The following LTBP3 variants were observed in gnomAD, a reference collection of about 807,000 sequenced individuals.
LTBP3 encodes latent-transforming growth factor beta-binding protein 3.
LTBP3 carries 97 observed loss-of-function variants against 159.7 expected under a neutral mutation model. That is an observed-to-expected ratio of 0.61 (90% CI 0.52 to 0.72). LTBP3 has a LOEUF of 0.72. Among genes scored for constraint, LTBP3 ranks in the 30% least tolerant of loss-of-function variants. The probability of loss-of-function intolerance (pLI) is 0.00; values close to 1 mark genes in which losing one functional copy is unlikely to be tolerated. For missense variants in LTBP3, 1,584 were observed against 1,864.3 expected, an observed-to-expected ratio of 0.85 and a Z score of 2.77; for synonymous variants, 824 against 777.1, an observed-to-expected ratio of 1.06 and a Z score of -1.00.
In LTBP3 at chr11:65,557,622, C is replaced by G. The variant is rs1261888536; in HGVS notation, c.331+7G>C. ...CCCCTGCCCCCAGCCGTGCCCCCGG[C>G]CCTCACCCACGCGGAAGCCGGAGCC... On this transcript the variant is annotated splice_region_variant and intron_variant, in intron 1 of 27. Transcript: ENST00000301873. 3 of 1,608,754 alleles carry G rather than the reference C, an allele frequency of 1.9e-6. No individual in the cohort carries two copies. Among genetic ancestry groups the G allele is most frequent in the Non-Finnish European group, 2.5e-6 (3 of 1,179,792 alleles).
Position 65,538,829 on chromosome 11 carries a change from G to C in LTBP3, c.*251C>G, listed in dbSNP as rs764625252. 1.5e-5 allele frequency: 12 copies of C among 815,198 alleles called. No homozygotes were observed. The highest frequency in any genetic ancestry group is 2.1e-5 in the Non-Finnish European group (12 of 560,238). The allele number at this position is 815,198 out of a possible 1,614,324, so 50.5% of individuals were successfully genotyped here. A position where few individuals can be genotyped will look rare whatever the true frequency, so the allele number is the denominator to read the frequency against. ...TCGAAAGCCAAGGGTAAAGAGGCAC[G>C]ATCTGATTTATCAGTTTCTAGGAAA... is the stretch of plus-strand genomic sequence containing the variant. On this transcript the variant is annotated 3_prime_UTR_variant, in exon 28 of 28. Coordinates refer to ENST00000301873, the MANE Select transcript of LTBP3 (RefSeq NM_001130144.3).
Position 65,539,596 on chromosome 11 carries a change from T to G in LTBP3, c.3580A>C (p.Asn1194His), listed in dbSNP as rs913695324. The G allele has an allele frequency of 1.9e-6, 3 of 1,612,734 alleles. No homozygotes were observed. The highest frequency in any genetic ancestry group is 2.5e-6 in the Non-Finnish European group (3 of 1,179,396). ...SHCPTSQSES[N>H]SFWDTSPLLL... is the part of the protein sequence containing the mutation. ...AGGGGGCTTGTGTCCCAGAAGGAAT[T>G]GCTCTCGCTCTGCGATGTCGGGCAA... Residue 1194 changes from asparagine to histidine, a missense_variant, in exon 26 of 28, where the codon AAT (asparagine) becomes CAT (histidine). This residue lies in a region of LTBP3 where 514 missense variants were observed against 530.3 expected (regional missense o/e 0.97). Coordinates refer to ENST00000301873, the MANE Select transcript of LTBP3 (RefSeq NM_001130144.3).
intron 21 of LTBP3, 87 bp from the exon 22 acceptor site, chr11:65,540,701 C>T: frequency 2.7e-6 from 3 of 1,093,488 alleles, no homozygotes; most frequent in South Asian, 1.4e-5. Flanking sequence ...CGAAGCCATC[C>T]CCGGGCGGGG....
At chr11:65,539,682 ATCC>A (rs1855977771) in intron 25 of LTBP3, 35 bp downstream of exon 25, 1 of 1,576,734 alleles carries the variant, frequency 6.3e-7, no homozygotes, top group African/African-American at 1.4e-5. Flanking sequence ...CCTGGCCCCC[ATCC>A]TCGCTCCCGG....
chr11:65,541,116 G>C lies in LTBP3; in HGVS notation c.2893+10C>G. 6.2e-7 allele frequency: 1 copy of C among 1,611,528 alleles called. No homozygotes were observed. Among genetic ancestry groups the C allele is most frequent in the East Asian group, 2.2e-5 (1 of 44,840 alleles). On this transcript the variant is annotated intron_variant, in intron 20 of 27. Coordinates refer to ENST00000301873, the MANE Select transcript of LTBP3 (RefSeq NM_001130144.3). ...TGAAGATCTGGGAAGGGGCCTGCCC[G>C]GCTCCTGACCTGAGCTGTAGACTGG...
chr11:65,543,675 C>T, intron 16 of LTBP3, 126 bp from the exon 17 acceptor site: 1 of 1,256,238 alleles, frequency 8.0e-7, no homozygotes, highest in Non-Finnish European at 1.1e-6. Context: ...AAGCACAGGC[C>T]TCACCCTGCT....
chr11:65,556,381 G>A (rs1856814247), intron 1 of LTBP3, among the ~76,000 whole-genome samples: 1 of 152,058 alleles, frequency 6.6e-6, no homozygotes, highest in Non-Finnish European at 1.5e-5. Flanking sequence ...CAAAAAAATT[G>A]GCCAGGCGTG....
In LTBP3 at chr11:65,551,548, T is replaced by C. The variant is rs1856614055; in HGVS notation, c.1548A>G (p.Ser516=). ...TEEERGVTTD[S]PVSEERSVQQ... ...CTCCCATCTGGGTTCTCATACTCAC[T>C]GAGTCCGTGGTCACCCCTAAAAGGG... The change falls in exon 9 of 28, where the codon TCA becomes TCG. Residue 516 remains serine (S), a splice_region_variant and synonymous_variant. Coordinates refer to ENST00000301873, the MANE Select transcript of LTBP3 (RefSeq NM_001130144.3). 1 of 1,613,882 alleles carries C rather than the reference T, an allele frequency of 6.2e-7. No individual in the cohort carries two copies. Among genetic ancestry groups the C allele is most frequent in the Non-Finnish European group, 8.5e-7 (1 of 1,180,012 alleles).
Position 65,546,190 on chromosome 11 carries a change from GAT to G in LTBP3, c.2353+250_2353+251del. The G allele has an allele frequency of 1.8e-6, 1 of 546,276 alleles. No homozygotes were observed. Among genetic ancestry groups the G allele is most frequent in the South Asian group, 2.3e-5 (1 of 44,368 alleles). 33.8% of individuals were successfully genotyped at this position (546,276 alleles called of 1,614,324 possible). On this transcript the variant is annotated intron_variant, in intron 16 of 27. Transcript: ENST00000301873. This position sits in a 1 kb window ranked among gnomAD's most constrained non-coding sequence, Gnocchi z 4.0. Reference sequence around the variant, plus strand: ...GTACTATCGTCTGCCCTCATTCTTTGATATCTTTTTTCCTTCAAATTTAAGTA... The same window carrying G: ...GTACTATCGTCTGCCCTCATTCTTTGATCTTTTTTCCTTCAAATTTAAGTA...
Position 65,539,060 on chromosome 11 carries a change from C to T in LTBP3, c.*20G>A, listed in dbSNP as rs1295212721. 3.7e-6 allele frequency: 5 copies of T among 1,359,894 alleles called. No individual in the cohort carries two copies. The highest frequency in any genetic ancestry group is 4.7e-6 in the Non-Finnish European group (5 of 1,058,406). 84.2% of individuals were successfully genotyped at this position (1,359,894 alleles called of 1,614,324 possible). On this transcript the variant is annotated 3_prime_UTR_variant, in exon 28 of 28. Transcript: ENST00000301873. ...CCTCAGTGATCACCGAGGTCTGGGCCGAGGGCGGCGTCGGCGGCGTCAGCG... is the reference window on the plus strand; with the variant it reads ...CCTCAGTGATCACCGAGGTCTGGGCTGAGGGCGGCGTCGGCGGCGTCAGCG...
intron 20 of LTBP3, 24 bp from the exon 21 acceptor site, chr11:65,540,978 G>A (rs1269187206): frequency 5.0e-6 from 8 of 1,608,320 alleles, no homozygotes; most frequent in Non-Finnish European, 5.9e-6. Flanking sequence ...GCGGCCGTGG[G>A]GAGGGAAGAG....
chr11:65,552,505 C>A lies in LTBP3; in HGVS notation c.1187-99G>T. On this transcript the variant is annotated intron_variant, in intron 6 of 27. Coordinates refer to ENST00000301873, the MANE Select transcript of LTBP3 (RefSeq NM_001130144.3). The surrounding 1 kb of genome is among the most constrained non-coding windows in gnomAD (Gnocchi z 6.0). Reference sequence around the variant, plus strand: ...ACCTTGCCTCTCCGGCCCAGACAACCCTTGATCCCCCATGTGGTCTCTGAC... The same window carrying A: ...ACCTTGCCTCTCCGGCCCAGACAACACTTGATCCCCCATGTGGTCTCTGAC... 6.9e-7 allele frequency: 1 copy of A among 1,451,828 alleles called. No individual in the cohort carries two copies. The highest frequency in any genetic ancestry group is 2.4e-5 in the East Asian group (1 of 42,050). The allele number at this position is 1,451,828 out of a possible 1,614,324, so 89.9% of individuals were successfully genotyped here.
At chr11:65,549,055 C>T (rs1196789720) in intron 11 of LTBP3, 1 of 152,216 alleles carries the variant, frequency 6.6e-6, no homozygotes, top group East Asian at 1.9e-4. Context: ...GCTTTCTCAT[C>T]TGGAAAACGA....
Position 65,540,501 on chromosome 11 carries a change from G to A in LTBP3, c.3091C>T (p.Leu1031=). 1 of 1,613,752 alleles carries A rather than the reference G, an allele frequency of 6.2e-7. No homozygotes were observed. The highest frequency in any genetic ancestry group is 8.5e-7 in the Non-Finnish European group (1 of 1,179,898). The change falls in exon 22 of 28, where the codon CTG becomes TTG. Residue 1031 remains leucine, a synonymous_variant. Coordinates refer to ENST00000301873, the MANE Select transcript of LTBP3 (RefSeq NM_001130144.3). ...CKQGFYYDGN[L]LECVDVDECL... ...CGGAGCTCACCCACGCATTCCAGCAGGTTCCCGTCGTAGTAGAAGCCCTGC... is the reference window on the plus strand; with the variant it reads ...CGGAGCTCACCCACGCATTCCAGCAAGTTCCCGTCGTAGTAGAAGCCCTGC...
Position 65,557,810 on chromosome 11 carries a change from G to C in LTBP3, c.150C>G (p.Gly50=). The C allele has an allele frequency of 6.7e-7, 1 of 1,503,264 alleles. No homozygotes were observed. The highest frequency in any genetic ancestry group is 8.8e-7 in the Non-Finnish European group (1 of 1,130,282). The allele number at this position is 1,503,264 out of a possible 1,614,324, so 93.1% of individuals were successfully genotyped here. A position where few individuals can be genotyped will look rare whatever the true frequency, so the allele number is the denominator to read the frequency against. Residue 50 remains glycine, a synonymous_variant, in exon 1 of 28, where the codon GGC becomes GGG. Coordinates refer to ENST00000301873, the MANE Select transcript of LTBP3 (RefSeq NM_001130144.3). ...GGGCCAGCGCCCCGCCCCCGCCTGC[G>C]CCCCGCTCGCCGGCCGGCCCCCCCT... ...RVEGGPAGER[G]AGGGGALARE...
In LTBP3 at chr11:65,557,961, CG is replaced by C; in HGVS notation, c.-3del. 8.7e-7 allele frequency: 1 copy of C among 1,153,662 alleles called. No individual in the cohort carries two copies. The highest frequency in any genetic ancestry group is 1.1e-6 in the Non-Finnish European group (1 of 941,122). 71.5% of individuals were successfully genotyped at this position (1,153,662 alleles called of 1,614,324 possible). On this transcript the variant is annotated 5_prime_UTR_variant, in exon 1 of 28. Transcript: ENST00000301873. ...AGCAGCCCCTCGGGGCCCGGGCATCCGGGGCCGCAGGACCCGGGGGAGGGGG... is the reference window on the plus strand; with the variant it reads ...AGCAGCCCCTCGGGGCCCGGGCATCCGGGCCGCAGGACCCGGGGGAGGGGG...
Position 65,547,652 on chromosome 11 carries a change from G to A in LTBP3, c.1978+38C>T, listed in dbSNP as rs1856432221. The A allele has an allele frequency of 6.2e-7, 1 of 1,606,856 alleles. No individual in the cohort carries two copies. ...TACACGGCGGTCTGGAGGAGAGCCC[G>A]TCCCACCCAGGGCCGCCTCCGCCCT... On this transcript the variant is annotated intron_variant, in intron 13 of 27. Coordinates refer to ENST00000301873, the MANE Select transcript of LTBP3 (RefSeq NM_001130144.3). This position sits in a 1 kb window ranked among gnomAD's most constrained non-coding sequence, Gnocchi z 4.6.
chr11:65,552,492 C>T lies in LTBP3; in HGVS notation c.1187-86G>A, dbSNP rs1194905509. ...CCAGCTGCTGCAGACCTTGCCTCTC[C>T]GGCCCAGACAACCCTTGATCCCCCA... On this transcript the variant is annotated intron_variant, in intron 6 of 27. Coordinates refer to ENST00000301873, the MANE Select transcript of LTBP3 (RefSeq NM_001130144.3). The surrounding 1 kb of genome is among the most constrained non-coding windows in gnomAD (Gnocchi z 6.0). 97 of 1,531,766 alleles carry T rather than the reference C, an allele frequency of 6.3e-5. No homozygotes were observed. The highest frequency in any genetic ancestry group is 1.0e-4 in the Admixed American group (6 of 57,250). 94.9% of individuals were successfully genotyped at this position (1,531,766 alleles called of 1,614,324 possible).
In LTBP3 at chr11:65,553,819, T is replaced by A. The variant is rs1465351130; in HGVS notation, c.746A>T (p.Asn249Ile). 1 of 1,562,484 alleles carries A rather than the reference T, an allele frequency of 6.4e-7. No homozygotes were observed. Among genetic ancestry groups the A allele is most frequent in the African/African-American group, 1.3e-5 (1 of 74,150 alleles). ...CTGGGAGGGGGCTGCGCTCTCGGCG[T>A]TCGAGCTCTCAATGCGGTGCACCTG... ...SVQVHRIESS[N>I]AESAAPSQHL... The change falls in exon 3 of 28, where the codon AAC becomes ATC. Residue 249 changes from asparagine (N) to isoleucine (I), a missense_variant. Asn to Ile is a moderately radical substitution (Grantham distance 149). Transcript: ENST00000301873. This position sits in a 1 kb window ranked among gnomAD's most constrained non-coding sequence, Gnocchi z 6.5.
Sources: gnomAD v4.1 joint callset for allele counts (sites outside exome capture counted in the v4.1 genomes callset) on GRCh38, gnomAD v4.1.1 for gene constraint, gnomAD v4.1.1 regional missense constraint, Gnocchi (gnomAD v3.1) non-coding constraint, MANE v1.5 for transcripts, NCBI Gene and HGNC (gene_info 2026-07-23, HGNC 2026-07-21) for gene names.